The following MON2 variants were observed in gnomAD, a reference collection of about 807,000 sequenced individuals.
MON2 encodes the protein MON2 regulator of endosome-to-Golgi trafficking.
MON2 carries 84 observed loss-of-function variants against 208.6 expected under a neutral mutation model. The ratio of observed to expected loss-of-function variants is 0.40; its 90% CI spans 0.34 to 0.48. The LOEUF (loss-of-function observed/expected upper bound fraction) is 0.48. MON2 is among the 20% of genes least tolerant of loss of function. The probability of loss-of-function intolerance (pLI) is 0.59; values close to 1 mark genes in which losing one functional copy is unlikely to be tolerated. For missense variants in MON2, 1,611 were observed against 2,015.4 expected (o/e 0.80, Z 3.84); for synonymous variants, 660 against 694.0 (o/e 0.95, Z 0.77).
rs1348425698 is a variant in MON2 at position 62,547,003 on chromosome 12, A to G, written c.2684A>G (p.Gln895Arg). 2 of 1,612,868 alleles carry G rather than the reference A, an allele frequency of 1.2e-6. No homozygotes were observed. Among genetic ancestry groups the G allele is most frequent in the Admixed American group, 3.3e-5 (2 of 59,968 alleles). ...TGCGTGTTGCAGATTCTGCAGAGTC[A>G]GGGAGACAGTCTTGGGCCTGGATGG... Reference protein sequence around the residue: ...LECVLQILQSQGDSLGPGWPL... With the variant: ...LECVLQILQSRGDSLGPGWPL... Residue 895 changes from glutamine (Q) to arginine (R), a missense_variant, in exon 22 of 35, where the codon CAG becomes CGG. Physicochemically the swap from Gln to Arg is conservative, Grantham distance 43. Transcript: ENST00000393630.
intron 7 of MON2, among the ~76,000 whole-genome samples, chr12:62,503,842 C>G (rs2070963421): frequency 6.6e-6 from 1 of 152,118 alleles, no homozygotes; most frequent in African/African-American, 2.4e-5. Context: ...CAATCGTCAA[C>G]TTACCAGACA....
chr12:62,587,520 A>T (rs1592480869), intron 33 of MON2, among the ~76,000 whole-genome samples: 1 of 151,888 alleles, frequency 6.6e-6, no homozygotes, highest in African/African-American at 2.4e-5. Context: ...GGATCACTTG[A>T]GCCCAGGAGT....
At chr12:62,488,304 C>T (rs982262215) in intron 2 of MON2, among the ~76,000 whole-genome samples, 4 of 152,088 alleles carry the variant, frequency 2.6e-5, no homozygotes, top group African/African-American at 9.7e-5. Flanking sequence ...GCCTGGGAAT[C>T]TGAGACTGAG....
rs2075594900 is a variant in MON2, at chr12:62,600,091, G to A, written c.*7342G>A. On this transcript the variant is annotated 3_prime_UTR_variant, in exon 35 of 35. Transcript: ENST00000393630. ...TTACTAAATGTGTGACCTTGGGCAA[G>A]TTAATTAACCTGTTTTGGTGTCCTC... 6.6e-6 allele frequency: 1 copy of A among 152,200 alleles called. No individual in the cohort carries two copies. The highest frequency in any genetic ancestry group is 1.5e-5 in the Non-Finnish European group (1 of 68,032). 9.4% of individuals were successfully genotyped at this position (152,200 alleles called of 1,614,324 possible).
chr12:62,578,163 G>A lies in MON2; in HGVS notation c.4515-282G>A, dbSNP rs141918080. 4.2e-3 allele frequency among the ~76,000 whole-genome samples: 633 copies of A among 152,116 alleles called. 3 individuals carry two copies. The highest frequency in any genetic ancestry group is 7.3e-3 in the Non-Finnish European group (493 of 67,954). ...TGCAGATGATAGCTCTTTACCTTTC[G>A]TTGTTTTTTCATTCATAATATTGAA... On this transcript the variant is annotated intron_variant, in intron 30 of 34. Coordinates refer to ENST00000393630, the MANE Select transcript of MON2 (RefSeq NM_015026.3).
rs12580048 is a variant in MON2 at position 62,600,013 on chromosome 12, G to C, written c.*7264G>C. ...TTATAAATAACAGCATTGTGGTTAA[G>C]AGCCCAGAGTCTGGGGCCAGGCTTC... On this transcript the variant is annotated 3_prime_UTR_variant, in exon 35 of 35. Transcript: ENST00000393630. The C allele has an allele frequency of 2.0e-5, 3 of 151,934 alleles. No homozygotes were observed. The highest frequency in any genetic ancestry group is 4.4e-5 in the Non-Finnish European group (3 of 67,984). The allele number at this position is 151,934 out of a possible 1,614,324, so 9.4% of individuals were successfully genotyped here.
At chr12:62,508,255 A>G (rs757729463) in intron 7 of MON2, 31 bp from the exon 8 acceptor site, 1 of 1,553,416 alleles carries the variant, frequency 6.4e-7, no homozygotes, top group South Asian at 1.1e-5. Context: ...AAAGTTAATT[A>G]TTTTTTTCTT....
chr12:62,565,096 T>C (rs979069679), intron 26 of MON2, 141 bp from the exon 27 acceptor site: 1 of 752,256 alleles, frequency 1.3e-6, no homozygotes, highest in Non-Finnish European at 2.1e-6. Flanking sequence ...ATAGTTTGTG[T>C]CCTTTAGGGC....
intron 8 of MON2, among the ~76,000 whole-genome samples, chr12:62,512,304 T>C (rs1054362801): frequency 6.6e-6 from 1 of 152,200 alleles, no homozygotes. Context: ...CTCTTCTGCC[T>C]ATGAGCCTGT....
rs2075465653 is a variant in MON2 at position 62,593,851 on chromosome 12, A to G, written c.*1102A>G. The G allele has an allele frequency of 6.6e-6, 1 of 152,190 alleles. No homozygotes were observed. The highest frequency in any genetic ancestry group is 6.5e-5 in the Admixed American group (1 of 15,290). 9.4% of individuals were successfully genotyped at this position (152,190 alleles called of 1,614,324 possible). On this transcript the variant is annotated 3_prime_UTR_variant, in exon 35 of 35. Transcript: ENST00000393630. ...AAAATACCTATGTTAACTCACAAGT[A>G]TAAAATATGTGTGTATTATAAAACA...
At chr12:62,575,878 G>A (rs1446596871) in intron 30 of MON2, among the ~76,000 whole-genome samples, 1 of 152,094 alleles carries the variant, frequency 6.6e-6, no homozygotes, top group Non-Finnish European at 1.5e-5. Flanking sequence ...TAGTTATAAA[G>A]GAGACACAAT....
At chr12:62,471,328 G>A (rs11174496) in intron 1 of MON2, among the ~76,000 whole-genome samples, 19,309 of 152,068 alleles carry the variant, frequency 0.13, 1,549 homozygotes, top group Middle Eastern at 0.27. Flanking sequence ...GATCACAGGC[G>A]CGTGCCACCA....
chr12:62,508,756 T>C (rs912008992), intron 8 of MON2: 3 of 344,446 alleles, frequency 8.7e-6, no homozygotes, highest in Non-Finnish European at 1.6e-5. Context: ...TCTTAGCTAA[T>C]TGTCTGTATC....
Position 62,582,216 on chromosome 12 carries a change from A to G in MON2, c.4699+1796A>G, listed in dbSNP as rs537103507. ...AAATGTCCAAAGTTAAATAAGGGCT[A>G]TTGAGTTACCAAGTATACTTTTACT... On this transcript the variant is annotated intron_variant, in intron 32 of 34. Coordinates refer to ENST00000393630, the MANE Select transcript of MON2 (RefSeq NM_015026.3). 3.9e-5 allele frequency among the ~76,000 whole-genome samples: 6 copies of G among 152,364 alleles called. No individual in the cohort carries two copies. The South Asian group carries it at 1.2e-3, about 32-fold the overall frequency.
rs569878321 is a variant in MON2 at position 62,532,309 on chromosome 12, G to A, written c.1401-129G>A. The A allele has an allele frequency of 4.1e-3, 2,808 of 692,482 alleles. 26 individuals carry two copies. The highest frequency in any genetic ancestry group is 0.022 in the Middle Eastern group (55 of 2,512). 42.9% of individuals were successfully genotyped at this position (692,482 alleles called of 1,614,324 possible). A position where few individuals can be genotyped will look rare whatever the true frequency, so the allele number is the denominator to read the frequency against. On this transcript the variant is annotated intron_variant, in intron 11 of 34. Coordinates refer to ENST00000393630, the MANE Select transcript of MON2 (RefSeq NM_015026.3). Reference sequence around the variant, plus strand: ...CTCTTCCCTAAATGAAAGAAATTTGGTAATGTCCCTTTATTTTTTGCTATT... The same window carrying A: ...CTCTTCCCTAAATGAAAGAAATTTGATAATGTCCCTTTATTTTTTGCTATT...
intron 34 of MON2, chr12:62,588,987 A>G: frequency 1.0e-6 from 1 of 962,512 alleles, no homozygotes; most frequent in Non-Finnish European, 1.5e-6. Context: ...CTCTATTTGT[A>G]TTACAATTAT....
chr12:62,479,890 T>C (rs1021800081), intron 1 of MON2, among the ~76,000 whole-genome samples: 32 of 152,210 alleles, frequency 2.1e-4, no homozygotes, highest in African/African-American at 7.0e-4. Context: ...TAGGGAATAC[T>C]TTTAAAGCAA....
Position 62,560,941 on chromosome 12 carries a change from T to C in MON2, c.3860T>C (p.Ile1287Thr), listed in dbSNP as rs1342088987. The C allele has an allele frequency of 3.7e-6, 6 of 1,613,870 alleles. No homozygotes were observed. In the African/African-American group the frequency reaches 4.0e-5, roughly 11 times the overall value. The change falls in exon 26 of 35, where the codon ATA (isoleucine) becomes ACA (threonine). Residue 1287 changes from isoleucine (I) to threonine (T), a missense_variant. Physicochemically the swap from Ile to Thr is moderately conservative, Grantham distance 89. Transcript: ENST00000393630. Reference protein sequence around the residue: ...IQIFPALYQHIKTGFNMDDLQ... With the variant: ...IQIFPALYQHTKTGFNMDDLQ... ...ATATTTCCAGCTCTCTACCAACACA[T>C]AAAAACTGGTTTCAATATGGATGAC...
intron 33 of MON2, chr12:62,585,738 A>G: frequency 3.1e-6 from 1 of 321,460 alleles, no homozygotes; most frequent in Non-Finnish European, 5.7e-6. Context: ...CATATGATAC[A>G]TAGGTACCAA....
Sources: gnomAD v4.1 joint callset for allele counts (sites outside exome capture counted in the v4.1 genomes callset) on GRCh38, gnomAD v4.1.1 for gene constraint, MANE v1.5 for transcripts, NCBI Gene and HGNC (gene_info 2026-07-23, HGNC 2026-07-21) for gene names.